CAST: variants seen among roughly 807,000 people sequenced by gnomAD.
CAST encodes calpastatin.
A neutral mutation model predicts 119.6 loss-of-function variants in CAST; 76 were observed. That is an observed-to-expected ratio of 0.64 (90% CI 0.53 to 0.77). The LOEUF is 0.77. CAST is among the 30% of genes least tolerant of loss of function. The probability of loss-of-function intolerance (pLI) is 0.00; values close to 1 mark genes in which losing one functional copy is unlikely to be tolerated. For missense variants in CAST, 953 were observed against 946.5 expected (o/e 1.01, Z -0.09); for synonymous variants, 319 against 331.6 (o/e 0.96, Z 0.41).
the CAST span, chr5:96,433,102 A>G: frequency 6.6e-7 from 1 of 1,514,722 alleles, no homozygotes; most frequent in Non-Finnish European, 9.2e-7. Flanking sequence ...GCAAGATAGG[A>G]GAAAAGCCAG....
At chr5:96,594,001 A>G (rs1173893685) in intron 1 of CAST, among the ~76,000 whole-genome samples, 2 of 152,258 alleles carry the variant, frequency 1.3e-5, no homozygotes, top group Non-Finnish European at 2.9e-5. Context: ...AATGCCAAAG[A>G]TCACAGAATT....
intron 1 of CAST, among the ~76,000 whole-genome samples, chr5:96,603,455 T>A (rs1051050576): frequency 2.0e-5 from 3 of 152,136 alleles, no homozygotes; most frequent in African/African-American, 4.8e-5. Context: ...ACACACACAT[T>A]AGCCTAGGCC....
At chr5:96,142,247 T>TA in the CAST span, among the ~76,000 whole-genome samples, 1 of 151,954 alleles carries the variant, frequency 6.6e-6, no homozygotes, top group Admixed American at 6.6e-5. Context: ...CCGTCTCTAC[T>TA]AAAAAAATAC....
chr5:96,727,923 C>T (rs1759588794), intron 6 of CAST, among the ~76,000 whole-genome samples: 1 of 152,134 alleles, frequency 6.6e-6, no homozygotes, highest in Admixed American at 6.5e-5. Flanking sequence ...AACTCAGCAC[C>T]TAGATGGCTT....
At chr5:96,086,703 C>T in the CAST span, among the ~76,000 whole-genome samples, 1 of 152,042 alleles carries the variant, frequency 6.6e-6, no homozygotes, top group East Asian at 1.9e-4. Context: ...TTTTTCTCAG[C>T]TCTGTTTCTA....
the CAST span, among the ~76,000 whole-genome samples, chr5:96,333,724 T>C: frequency 6.6e-6 from 1 of 152,258 alleles, no homozygotes; most frequent in Admixed American, 6.5e-5. Context: ...AGGGGTGTAC[T>C]CAGCACAGTG....
the CAST span, among the ~76,000 whole-genome samples, chr5:96,252,495 C>G: frequency 2.6e-5 from 4 of 152,036 alleles, no homozygotes; most frequent in African/African-American, 9.7e-5. Context: ...TGAAGTTCTT[C>G]AAGTGCCCAG....
At chr5:96,323,156 T>C in the CAST span, among the ~76,000 whole-genome samples, 2 of 152,206 alleles carry the variant, frequency 1.3e-5, no homozygotes, top group African/African-American at 4.8e-5. Flanking sequence ...GTTCAGGTAT[T>C]GAAGCCTTTT....
the CAST span, among the ~76,000 whole-genome samples, chr5:95,976,071 A>G: frequency 6.6e-6 from 1 of 151,946 alleles, no homozygotes; most frequent in Non-Finnish European, 1.5e-5. Flanking sequence ...CTGAGTCCCT[A>G]GAGAGTCCTC....
chr5:96,661,411 C>T (rs546098291), upstream of CAST, among the ~76,000 whole-genome samples: 1 of 120,872 alleles, frequency 8.3e-6, no homozygotes, highest in African/African-American at 3.6e-5. Flanking sequence ...AGCGAAACTG[C>T]CTCTCCAGAA....
chr5:96,753,297 G>T (rs1215613462), intron 20 of CAST, among the ~76,000 whole-genome samples: 2 of 152,028 alleles, frequency 1.3e-5, no homozygotes, highest in Non-Finnish European at 2.9e-5. Flanking sequence ...ACTGTGCCTG[G>T]TCCTGTTCTC....
chr5:96,722,745 C>A, intron 4 of CAST, 47 bp downstream of exon 4: 1 of 1,350,634 alleles, frequency 7.4e-7, no homozygotes, highest in Non-Finnish European at 1.1e-6. Context: ...GTTGATTGTG[C>A]TGCAAAGCAA....
chr5:96,293,721 G>A, the CAST span, among the ~76,000 whole-genome samples: 6 of 152,006 alleles, frequency 3.9e-5, no homozygotes, highest in East Asian at 1.9e-4. Context: ...AGGCCTCATC[G>A]TCATATAGTG....
At chr5:96,345,421 C>T in the CAST span, among the ~76,000 whole-genome samples, 5 of 152,128 alleles carry the variant, frequency 3.3e-5, no homozygotes, top group African/African-American at 1.2e-4. Context: ...TGAGCTTATT[C>T]TGAGCTTTCG....
chr5:96,355,748 C>A, the CAST span, among the ~76,000 whole-genome samples: 1 of 151,968 alleles, frequency 6.6e-6, no homozygotes, highest in Non-Finnish European at 1.5e-5. Flanking sequence ...TGTCACCAGT[C>A]TTGAGTGCAG....
intron 1 of CAST, among the ~76,000 whole-genome samples, chr5:96,632,868 C>A (rs1268851715): frequency 6.6e-6 from 1 of 152,144 alleles, no homozygotes; most frequent in African/African-American, 2.4e-5. Context: ...TCCAACTTTG[C>A]TCTTATTTTT....
At chr5:96,344,090 C>A in the CAST span, among the ~76,000 whole-genome samples, 1 of 152,172 alleles carries the variant, frequency 6.6e-6, no homozygotes, top group African/African-American at 2.4e-5. Context: ...AATAGTCCTG[C>A]CTTTGTCAGG....
the CAST span, among the ~76,000 whole-genome samples, chr5:96,373,937 A>G: frequency 2.1e-4 from 32 of 152,184 alleles, no homozygotes; most frequent in South Asian, 6.6e-3. Flanking sequence ...TTGCAGAGAC[A>G]GGATCTCACT....
the CAST span, among the ~76,000 whole-genome samples, chr5:96,309,525 C>T: frequency 1.3e-5 from 2 of 152,228 alleles, no homozygotes; most frequent in African/African-American, 2.4e-5. Context: ...GCACCTAGTT[C>T]GGTGTCTGCC....
Sources: gnomAD v4.1 joint callset for allele counts (sites outside exome capture counted in the v4.1 genomes callset) on GRCh38, gnomAD v4.1.1 for gene constraint, MANE v1.5 for transcripts, NCBI Gene and HGNC (gene_info 2026-07-23, HGNC 2026-07-21) for gene names.